Variants in SELENOP observed in about 807,000 individuals in gnomAD.
SELENOP encodes the protein selenoprotein P, plasma, 1.
SELENOP carries 36 observed loss-of-function variants against 41.0 expected under a neutral mutation model. The observed-to-expected ratio is 0.88, with a 90% confidence interval of 0.67 to 1.16. The LOEUF (loss-of-function observed/expected upper bound fraction) is 1.16, where lower values mean the gene tolerates loss of function less well. Ranked by LOEUF, SELENOP falls within the 50% of genes most tolerant of loss-of-function variation. SELENOP has a pLI of 0.00. For missense variants in SELENOP, 440 were observed against 454.2 expected (o/e 0.97, Z 0.28); for synonymous variants, 144 against 150.8 (o/e 0.95, Z 0.33).
chr5:42,804,623 T>C, intron 4 of SELENOP, 33 bp downstream of exon 4: 2 of 1,274,370 alleles, frequency 1.6e-6, no homozygotes, highest in Non-Finnish European at 2.2e-6. Context: ...AGATTTCCTC[T>C]TTTCTCCCCA....
At chr5:42,805,635 A>T (rs928432788) in intron 3 of SELENOP, 1 of 152,226 alleles carries the variant, frequency 6.6e-6, no homozygotes, top group African/African-American at 2.4e-5. Flanking sequence ...ACAGTTCAGA[A>T]ATTCAGGTAT....
At position 42,801,193 on chromosome 5, in the gene SELENOP, C is replaced by T. The variant is rs1411464826; in HGVS notation, c.673G>A (p.Glu225Lys). 1 of 1,614,108 alleles carries T rather than the reference C, an allele frequency of 6.2e-7. No individual in the cohort carries two copies. Among genetic ancestry groups the T allele is most frequent in the East Asian group, 2.2e-5 (1 of 44,864 alleles). Residue 225 changes from glutamate to lysine, a missense_variant, in exon 5 of 5, where the codon GAG becomes AAG. Glu to Lys is a moderately conservative substitution (Grantham distance 56, BLOSUM62 1). Coordinates refer to ENST00000514985, the MANE Select transcript of SELENOP (RefSeq NM_005410.4). ...HQHLGSSELS[E>K]NQQPGAPNAP... ...TTTGGTGCTCCTGGTTGCTGATTCT[C>T]TGAAAGCTCACTGCTGCCAAGGTGC...
At chr5:42,804,424 G>A (rs1185884468) in intron 4 of SELENOP, among the ~76,000 whole-genome samples, 2 of 152,182 alleles carry the variant, frequency 1.3e-5, no homozygotes, top group South Asian at 2.1e-4. Flanking sequence ...TCGCGCCACT[G>A]CACTCCAGCC....
intron 1 of SELENOP, among the ~76,000 whole-genome samples, chr5:42,809,282 C>G (rs1760409799): frequency 1.3e-5 from 2 of 152,190 alleles, no homozygotes; most frequent in South Asian, 4.1e-4. Flanking sequence ...GACTAGACAG[C>G]ACTTTCTTTG....
intron 3 of SELENOP, 86 bp from the exon 4 acceptor site, chr5:42,804,859 G>T: frequency 1.2e-6 from 1 of 830,266 alleles, no homozygotes; most frequent in Non-Finnish European, 1.9e-6. Context: ...GGTATTATAG[G>T]TTTAATGGTC....
At chr5:42,808,069 C>A in intron 2 of SELENOP, 82 bp downstream of exon 2, 1 of 617,660 alleles carries the variant, frequency 1.6e-6, no homozygotes, top group Admixed American at 3.8e-5. Flanking sequence ...ATTATTTACA[C>A]TTTTATTTTA....
chr5:42,808,018 C>T, intron 2 of SELENOP, 133 bp downstream of exon 2: 2 of 423,352 alleles, frequency 4.7e-6, no homozygotes, highest in Non-Finnish European at 8.1e-6. Flanking sequence ...CTAATATGTT[C>T]TATGCAAACA....
chr5:42,806,154 T>C (rs1413130024), intron 3 of SELENOP: 2 of 152,152 alleles, frequency 1.3e-5, no homozygotes, highest in Non-Finnish European at 2.9e-5. Context: ...TCACACAGTT[T>C]TGTGAAGGGG....
rs1440893417 is a variant in SELENOP, at chr5:42,808,274, A to G, written c.80T>C (p.Leu27Ser). 3 of 1,571,678 alleles carry G rather than the reference A, an allele frequency of 1.9e-6. No individual in the cohort carries two copies. The highest frequency in any genetic ancestry group is 2.4e-5 in the East Asian group (1 of 41,960). ...GGTESQDQSSLCKQPPAWSIR... is the reference protein window; with the variant it reads ...GGTESQDQSSSCKQPPAWSIR... ...GCTCCAGGCTGGGGGTTGCTTACAT[A>G]AGGAGCTTTGGTCCTGGCTCTCTGT... The change falls in exon 2 of 5, where the codon TTA (leucine) becomes TCA (serine). Residue 27 changes from leucine (L) to serine (S), a missense_variant. Transcript: ENST00000514985.
Position 42,801,022 on chromosome 5 carries a change from T to C in SELENOP, c.844A>G (p.Ile282Val). ...GGCAATTTACAGAGTAATTGATTTATACATCTCTTTCGACAGAGCTTCTTT... is the reference window on the plus strand; with the variant it reads ...GGCAATTTACAGAGTAATTGATTTACACATCTCTTTCGACAGAGCTTCTTT... Reference protein sequence around the residue: ...LQKKLCRKRCINQLLCKLPTD... With the variant: ...LQKKLCRKRCVNQLLCKLPTD... The change falls in exon 5 of 5, where the codon ATA (isoleucine) becomes GTA (valine). Residue 282 changes from isoleucine to valine, a missense_variant. Ile to Val is a conservative substitution (Grantham distance 29). Transcript: ENST00000514985. 6.2e-7 allele frequency: 1 copy of C among 1,614,084 alleles called. No individual in the cohort carries two copies. Among genetic ancestry groups the C allele is most frequent in the Non-Finnish European group, 8.5e-7 (1 of 1,179,858 alleles).
intron 3 of SELENOP, chr5:42,805,289 TTGTCAGAAATGGTGGG>T (rs1760307118): frequency 6.6e-6 from 1 of 152,238 alleles, no homozygotes; most frequent in Non-Finnish European, 1.5e-5. Context: ...ACATGTGGCA[TTGTCAGAAATGGTGGG>T]GTTAAAATGT....
At chr5:42,804,415 C>T (rs1760284356) in intron 4 of SELENOP, among the ~76,000 whole-genome samples, 1 of 152,092 alleles carries the variant, frequency 6.6e-6, no homozygotes, top group African/African-American at 2.4e-5. Context: ...GAGCCGAGAT[C>T]GCGCCACTGC....
intron 3 of SELENOP, 125 bp from the exon 4 acceptor site, chr5:42,804,898 A>C (rs1760299426): frequency 1.8e-6 from 1 of 555,224 alleles, no homozygotes; most frequent in Non-Finnish European, 3.1e-6. Flanking sequence ...CGCCTTTACT[A>C]AATTTCTTTG....
chr5:42,803,134 G>A (rs768750328), intron 4 of SELENOP, among the ~76,000 whole-genome samples: 6 of 151,690 alleles, frequency 4.0e-5, no homozygotes, highest in African/African-American at 7.3e-5. Flanking sequence ...AACTCCAATC[G>A]GATTTGGCAT....
Position 42,801,010 on chromosome 5 carries a change from GTAAT to G in SELENOP, c.852_855del (p.Gln284HisfsTer?), listed in dbSNP as rs1233822781. 6.2e-7 allele frequency: 1 copy of G among 1,614,032 alleles called. No homozygotes were observed. The highest frequency in any genetic ancestry group is 8.5e-7 in the Non-Finnish European group (1 of 1,179,966). On this transcript the variant is annotated frameshift_variant, in exon 5 of 5. Coordinates refer to ENST00000514985, the MANE Select transcript of SELENOP (RefSeq NM_005410.4). LOFTEE classifies it high-confidence loss of function. ...TCTGAATCTGTGGGCAATTTACAGA[GTAAT>G]TGATTTATACATCTCTTTCGACAGA...
At chr5:42,801,935 TA>T (rs1760214972) in intron 4 of SELENOP, 1 of 152,100 alleles carries the variant, frequency 6.6e-6, no homozygotes, top group Non-Finnish European at 1.5e-5. Flanking sequence ...AAAAAATAAA[TA>T]AAAAATCAGT....
At chr5:42,803,969 A>G (rs1363332830) in intron 4 of SELENOP, among the ~76,000 whole-genome samples, 1 of 152,202 alleles carries the variant, frequency 6.6e-6, no homozygotes, top group African/African-American at 2.4e-5. Flanking sequence ...GCTGTGGGTA[A>G]GCTTTGCTAT....
Position 42,800,678 on chromosome 5 carries a change from T to C in SELENOP, c.*42A>G. 1 of 1,520,442 alleles carries C rather than the reference T, an allele frequency of 6.6e-7. No individual in the cohort carries two copies. Among genetic ancestry groups the C allele is most frequent in the Admixed American group, 2.2e-5 (1 of 45,042 alleles). The allele number at this position is 1,520,442 out of a possible 1,614,324, so 94.2% of individuals were successfully genotyped here. The stretch of plus-strand genomic sequence containing the variant: ...TTTATAAAAATGCTGGAAATGAAAT[T>C]GTGTCTAGACTAAATTGGGGAGTAT... On this transcript the variant is annotated 3_prime_UTR_variant, in exon 5 of 5. Transcript: ENST00000514985.
At position 42,801,075 on chromosome 5, in the gene SELENOP, G is replaced by A; in HGVS notation, c.791C>T (p.Pro264Leu). Residue 264 changes from proline to leucine, a missense_variant, in exon 5 of 5, where the codon CCA (proline) becomes CTA (leucine). Physicochemically the swap from Pro to Leu is moderately conservative, Grantham distance 98 (BLOSUM62 -3). Transcript: ENST00000514985. ...TAAATCTTGTAAATCTTCACTTGCT[G>A]GCATATCTCGGTTCTCTGGGTGACC... ...RQGHPENRDM[P>L]ASEDLQDLQK... 1 of 1,614,098 alleles carries A rather than the reference G, an allele frequency of 6.2e-7. No individual in the cohort carries two copies. The highest frequency in any genetic ancestry group is 2.2e-5 in the East Asian group (1 of 44,880).
Sources: allele counts gnomAD v4.1 joint callset (sites outside exome capture counted in the v4.1 genomes callset), GRCh38; gene constraint gnomAD v4.1.1; transcripts MANE v1.5; gene names NCBI Gene and HGNC (gene_info 2026-07-23, HGNC 2026-07-21).